The following SAMD4A variants were observed in gnomAD, a reference collection of about 807,000 sequenced individuals.
SAMD4A encodes sterile alpha motif domain containing 4A.
In SAMD4A, 33 loss-of-function variants were observed where a neutral mutation model predicts 81.3. The ratio of observed to expected loss-of-function variants is 0.41; its 90% CI spans 0.31 to 0.54. SAMD4A has a LOEUF of 0.54. Among genes scored for constraint, SAMD4A ranks in the 20% least tolerant of loss-of-function variants. The pLI is 0.37. For missense variants in SAMD4A, 854 were observed against 951.1 expected (o/e 0.90, Z 1.34); for synonymous variants, 389 against 382.1 (o/e 1.02, Z -0.21).
chr14:54,770,204 G>A lies in SAMD4A; in HGVS notation c.1697G>A (p.Gly566Glu). The change falls in exon 9 of 13, where the codon GGA becomes GAA. Residue 566 changes from glycine to glutamate, a missense_variant. Around this residue, in one of 3 missense-constraint regions of SAMD4A, gnomAD observed 428 missense variants for 471.2 expected, o/e 0.91. Transcript: ENST00000554335. ...FPRKTLLDIS[G>E]YRQQRNRGFG... ...CGGAAAACCCTTCTAGACATATCAG[G>A]ATATCGACAGCAAAGAAAGTATGTT... 2 of 1,610,048 alleles carry A rather than the reference G, an allele frequency of 1.2e-6. No homozygotes were observed. Among genetic ancestry groups the A allele is most frequent in the Non-Finnish European group, 1.7e-6 (2 of 1,176,562 alleles).
chr14:54,788,907 C>G lies in SAMD4A; in HGVS notation c.2129-9C>G. The G allele has an allele frequency of 6.2e-7, 1 of 1,614,212 alleles. No individual in the cohort carries two copies. Among genetic ancestry groups the G allele is most frequent in the Non-Finnish European group, 8.5e-7 (1 of 1,180,038 alleles). Reference sequence around the variant, plus strand: ...ACCTGTGCCCATCGTTTGCTGCTTTCTCTCCCAGACGGGGTTGACCGGACC... The same window carrying G: ...ACCTGTGCCCATCGTTTGCTGCTTTGTCTCCCAGACGGGGTTGACCGGACC... On this transcript the variant is annotated splice_polypyrimidine_tract_variant and intron_variant, in intron 12 of 12. Coordinates refer to ENST00000554335, the MANE Select transcript of SAMD4A (RefSeq NM_015589.6).
At chr14:54,660,139 G>A (rs2035608530) in intron 2 of SAMD4A, among the ~76,000 whole-genome samples, 1 of 151,958 alleles carries the variant, frequency 6.6e-6, no homozygotes. Context: ...GGGGTTTGGT[G>A]TATCTAATCT....
intron 2 of SAMD4A, among the ~76,000 whole-genome samples, chr14:54,601,109 G>T (rs938032047): frequency 6.6e-6 from 1 of 152,114 alleles, no homozygotes; most frequent in African/African-American, 2.4e-5. Context: ...AAAATGGATG[G>T]TCCCTCCTGA....
chr14:54,638,115 A>G (rs1163993001), intron 2 of SAMD4A, among the ~76,000 whole-genome samples: 2 of 152,216 alleles, frequency 1.3e-5, no homozygotes, highest in Admixed American at 1.3e-4. Flanking sequence ...CAAGGAGATT[A>G]TGGCACAGCA....
intron 2 of SAMD4A, among the ~76,000 whole-genome samples, chr14:54,689,148 T>G (rs1002068537): frequency 1.3e-5 from 2 of 152,056 alleles, no homozygotes; most frequent in Non-Finnish European, 2.9e-5. Context: ...GCCAGGCTGG[T>G]CTCAAACTCC....
intron 3 of SAMD4A, among the ~76,000 whole-genome samples, chr14:54,726,810 G>A (rs1369310296): frequency 6.6e-6 from 1 of 152,092 alleles, no homozygotes; most frequent in Non-Finnish European, 1.5e-5. Flanking sequence ...TACAGCCAAG[G>A]TTGAGAACCA....
chr14:54,652,556 A>AT (rs1472472046), intron 2 of SAMD4A: 1 of 152,004 alleles, frequency 6.6e-6, no homozygotes, highest in Non-Finnish European at 1.5e-5. Flanking sequence ...AAATACTGTG[A>AT]TTTTCATTTA....
chr14:54,672,681 G>A (rs1160576399), intron 2 of SAMD4A, among the ~76,000 whole-genome samples: 1 of 152,210 alleles, frequency 6.6e-6, no homozygotes, highest in Non-Finnish European at 1.5e-5. Context: ...TTATAAGGAT[G>A]TAGGGCAATT....
intron 10 of SAMD4A, among the ~76,000 whole-genome samples, chr14:54,776,143 A>T (rs1275420287): frequency 6.6e-6 from 1 of 152,214 alleles, no homozygotes; most frequent in East Asian, 1.9e-4. Context: ...AACAAATGCG[A>T]TAAAAAGAGT....
chr14:54,566,474 C>A (rs948109835), upstream of SAMD4A, among the ~76,000 whole-genome samples: 2 of 151,774 alleles, frequency 1.3e-5, no homozygotes, highest in Admixed American at 6.6e-5. Context: ...TTCTCCTCCC[C>A]GCCGGCGGCG....
chr14:54,693,961 A>T (rs1273460472), intron 2 of SAMD4A: 2 of 152,570 alleles, frequency 1.3e-5, no homozygotes, highest in Admixed American at 1.3e-4. Context: ...AGAGAGGCTA[A>T]ACATGGGTGT....
intron 3 of SAMD4A, among the ~76,000 whole-genome samples, chr14:54,719,726 G>A (rs77979560): frequency 1.3e-5 from 2 of 152,258 alleles, no homozygotes; most frequent in East Asian, 3.9e-4. Context: ...GTGTGACCTT[G>A]GAGAAATAGC....
At chr14:54,718,742 G>A (rs947432733) in intron 3 of SAMD4A, among the ~76,000 whole-genome samples, 2 of 151,838 alleles carry the variant, frequency 1.3e-5, no homozygotes, top group African/African-American at 2.4e-5. Context: ...AGTAGCTTAC[G>A]CCTGTAATCC....
chr14:54,655,244 C>G (rs1262873083), intron 2 of SAMD4A, among the ~76,000 whole-genome samples: 1 of 152,184 alleles, frequency 6.6e-6, no homozygotes, highest in African/African-American at 2.4e-5. Flanking sequence ...GTCATATGTC[C>G]TTCCCACAGC....
At chr14:54,779,171 T>C (rs971695751) in intron 11 of SAMD4A, among the ~76,000 whole-genome samples, 1 of 152,194 alleles carries the variant, frequency 6.6e-6, no homozygotes. Context: ...CAGTGCAATC[T>C]GGTTCGCTAT....
At chr14:54,737,369 A>C in intron 4 of SAMD4A, 82 bp downstream of exon 4, 10 of 1,538,412 alleles carry the variant, frequency 6.5e-6, no homozygotes, top group Non-Finnish European at 8.8e-6. Flanking sequence ...AGAGGTAGTC[A>C]GCAAGAGAGA....
At chr14:54,606,283 C>T (rs1198960217) in intron 2 of SAMD4A, among the ~76,000 whole-genome samples, 2 of 152,036 alleles carry the variant, frequency 1.3e-5, no homozygotes, top group South Asian at 2.1e-4. Flanking sequence ...CCTGCCTCAT[C>T]TGGTTTCCAA....
Position 54,578,527 on chromosome 14 carries a change from G to A in SAMD4A, c.196+10415G>A, listed in dbSNP as rs184422480. Among the ~76,000 whole-genome samples the A allele has an allele frequency of 2.0e-3, 306 of 152,032 alleles. 10 individuals carry two copies. The South Asian group carries it at 0.055, about 27-fold the overall frequency. The stretch of plus-strand genomic sequence containing the variant: ...GGAGTTCAAGACCAGCTTGGCCAAC[G>A]TGGCGAAACCCCATCTCTAACAAAA... On this transcript the variant is annotated intron_variant, in intron 2 of 12. Transcript: ENST00000554335.
chr14:54,576,539 A>G (rs1047699538), intron 2 of SAMD4A, among the ~76,000 whole-genome samples: 1 of 152,212 alleles, frequency 6.6e-6, no homozygotes, highest in Admixed American at 6.5e-5. Flanking sequence ...AACATGATCT[A>G]TGAGCGTATG....
Sources: gnomAD v4.1 joint callset for allele counts (sites outside exome capture counted in the v4.1 genomes callset) on GRCh38, gnomAD v4.1.1 for gene constraint, gnomAD v4.1.1 regional missense constraint, MANE v1.5 for transcripts, NCBI Gene and HGNC (gene_info 2026-07-23, HGNC 2026-07-21) for gene names.